Variants in BICD1 observed in about 807,000 individuals in gnomAD.
BICD1 encodes the protein protein bicaudal D homolog 1.
Under a neutral mutation model 92.5 loss-of-function variants are expected in BICD1, and 35 were observed. That is an observed-to-expected ratio of 0.38 (90% CI 0.29 to 0.50). The LOEUF is 0.50. Among genes scored for constraint, BICD1 ranks in the 20% least tolerant of loss-of-function variants. The pLI is 0.93. For synonymous variants in BICD1, 429 were observed against 465.1 expected, an observed-to-expected ratio of 0.92 and a Z score of 1.00; for missense variants, 950 against 1,189.8, an observed-to-expected ratio of 0.80 and a Z score of 2.97.
chr12:32,333,910 T>A (rs1937988851), intron 5 of BICD1, among the ~76,000 whole-genome samples: 1 of 152,238 alleles, frequency 6.6e-6, no homozygotes, highest in South Asian at 2.1e-4. Context: ...TATATTTCAC[T>A]ATATTTCATT....
At chr12:32,127,027 ACCTAT>A (rs1437343042) in intron 1 of BICD1, among the ~76,000 whole-genome samples, 8 of 152,114 alleles carry the variant, frequency 5.3e-5, no homozygotes, top group Non-Finnish European at 1.0e-4. Flanking sequence ...AAGAGTATAC[ACCTAT>A]ACTCATATTC....
chr12:32,169,438 C>T (rs1943868340), intron 1 of BICD1, among the ~76,000 whole-genome samples: 1 of 151,794 alleles, frequency 6.6e-6, no homozygotes, highest in Non-Finnish European at 1.5e-5. Flanking sequence ...CCCATTTTTT[C>T]CATTAATTTT....
chr12:32,297,170 A>G (rs182681412), intron 3 of BICD1, among the ~76,000 whole-genome samples: 6 of 152,224 alleles, frequency 3.9e-5, no homozygotes, highest in Admixed American at 3.9e-4. Context: ...AGATGCTAGC[A>G]TCTATCATAA....
At chr12:32,151,166 A>G (rs1259223621) in intron 1 of BICD1, among the ~76,000 whole-genome samples, 5 of 152,224 alleles carry the variant, frequency 3.3e-5, no homozygotes, top group Non-Finnish European at 5.9e-5. Context: ...AGAAATTTCT[A>G]TACAAAGCTG....
At chr12:32,111,641 A>T (rs920214204) in intron 1 of BICD1, among the ~76,000 whole-genome samples, 3 of 151,660 alleles carry the variant, frequency 2.0e-5, no homozygotes, top group Non-Finnish European at 4.4e-5. Context: ...GGAGTCTCGC[A>T]CTTTCACCCA....
intron 4 of BICD1, among the ~76,000 whole-genome samples, chr12:32,307,665 T>C (rs950080474): frequency 2.6e-5 from 4 of 152,136 alleles, no homozygotes; most frequent in Non-Finnish European, 5.9e-5. Context: ...ACTGGAAAAG[T>C]GAAATTAGCA....
Position 32,358,460 on chromosome 12 carries a change from C to T in BICD1, c.2765-9210C>T, listed in dbSNP as rs1207049758. ...TTCATTATAAAAGCCATACAGAGGC[C>T]AGGCACAGTGGCTCACGCCTGTAAT... On this transcript the variant is annotated intron_variant, in intron 8 of 9. Transcript: ENST00000652176. Among the ~76,000 whole-genome samples the T allele has an allele frequency of 2.6e-5, 4 of 151,506 alleles. No individual in the cohort carries two copies. The East Asian group carries it at 7.9e-4, about 30-fold the overall frequency.
intron 5 of BICD1, among the ~76,000 whole-genome samples, chr12:32,331,350 T>A (rs867012343): frequency 1.7e-4 from 26 of 152,172 alleles, no homozygotes; most frequent in Admixed American, 1.4e-3. Context: ...CACTTTAGAG[T>A]GATGTAAACA....
intron 3 of BICD1, among the ~76,000 whole-genome samples, chr12:32,301,400 G>A (rs1948040017): frequency 6.6e-6 from 1 of 152,152 alleles, no homozygotes; most frequent in Admixed American, 6.5e-5. Flanking sequence ...GAAAAGGTTG[G>A]AGAGAGTCAG....
At chr12:32,279,303 G>A (rs951640312) in intron 2 of BICD1, among the ~76,000 whole-genome samples, 4 of 152,094 alleles carry the variant, frequency 2.6e-5, no homozygotes, top group Non-Finnish European at 1.5e-5. Flanking sequence ...AATTGATTGC[G>A]GTGGTGGTCA....
At chr12:32,204,904 CCCTTTCT>C (rs1448993323) in intron 1 of BICD1, among the ~76,000 whole-genome samples, 7 of 152,128 alleles carry the variant, frequency 4.6e-5, no homozygotes, top group African/African-American at 1.7e-4. Context: ...CACGCATCAT[CCCTTTCT>C]ATTATGCGAA....
intron 2 of BICD1, among the ~76,000 whole-genome samples, chr12:32,259,230 G>A (rs1255425902): frequency 3.3e-5 from 5 of 152,130 alleles, no homozygotes; most frequent in Non-Finnish European, 7.3e-5. Flanking sequence ...GATTAATAAT[G>A]TCCACGATCA....
At chr12:32,177,353 C>A (rs953240471) in intron 1 of BICD1, among the ~76,000 whole-genome samples, 1 of 149,176 alleles carries the variant, frequency 6.7e-6, no homozygotes. Flanking sequence ...AATATCGTGT[C>A]TTTGATTTTC....
chr12:32,239,926 T>C (rs1946190046), intron 2 of BICD1, among the ~76,000 whole-genome samples: 1 of 152,074 alleles, frequency 6.6e-6, no homozygotes, highest in Admixed American at 6.5e-5. Context: ...CATTTTTTAA[T>C]TAAGGTATGT....
At chr12:32,135,173 C>T (rs145801503) in intron 1 of BICD1, among the ~76,000 whole-genome samples, 2,425 of 151,222 alleles carry the variant, frequency 0.016, 24 homozygotes, top group African/African-American at 0.026. Context: ...ATTGCAACCT[C>T]CATCTCCCAG....
At chr12:32,231,723 A>G (rs1207565417) in intron 2 of BICD1, among the ~76,000 whole-genome samples, 1 of 148,948 alleles carries the variant, frequency 6.7e-6, no homozygotes, top group East Asian at 2.0e-4. Context: ...ATATCCCCCA[A>G]TGCTATCCTT....
chr12:32,300,203 G>A lies in BICD1; in HGVS notation c.580-5494G>A, dbSNP rs535537980. ...TGCAAGCTCTGCCTCCCGGGTTCAC[G>A]CCATTCTCCTGCCTCAGCCTCCCAA... On this transcript the variant is annotated intron_variant, in intron 3 of 9. Coordinates refer to ENST00000652176, the MANE Select transcript of BICD1 (RefSeq NM_001714.4). Among the ~76,000 whole-genome samples, 14 of 151,946 alleles carry A rather than the reference G, an allele frequency of 9.2e-5. No individual in the cohort carries two copies. The East Asian group carries it at 1.2e-3, about 13-fold the overall frequency.
At chr12:32,110,286 T>C (rs1234331034) in intron 1 of BICD1, among the ~76,000 whole-genome samples, 1 of 152,244 alleles carries the variant, frequency 6.6e-6, no homozygotes, top group Non-Finnish European at 1.5e-5. Flanking sequence ...TTAAATTTTT[T>C]TCCTAGTTAT....
chr12:32,289,413 G>A (rs1462238368), intron 2 of BICD1, among the ~76,000 whole-genome samples: 5 of 152,156 alleles, frequency 3.3e-5, no homozygotes, highest in Non-Finnish European at 7.3e-5. Flanking sequence ...GTTTAAGACA[G>A]TCTTGCTCTG....
Sources: gnomAD v4.1 joint callset for allele counts (sites outside exome capture counted in the v4.1 genomes callset) on GRCh38, gnomAD v4.1.1 for gene constraint, MANE v1.5 for transcripts, NCBI Gene and HGNC (gene_info 2026-07-23, HGNC 2026-07-21) for gene names.